CLASP2: variants seen among roughly 807,000 people sequenced by gnomAD.
The protein encoded by CLASP2 is CLIP-associating protein 2.
A neutral mutation model predicts 194.4 loss-of-function variants in CLASP2; 47 were observed. That is an observed-to-expected ratio of 0.24 (90% CI 0.19 to 0.31). CLASP2 has a LOEUF of 0.31. Among genes scored for constraint, CLASP2 ranks in the 10% least tolerant of loss-of-function variants. The pLI, the probability that CLASP2 is intolerant of heterozygous loss-of-function variation, is 1.00. For synonymous variants in CLASP2, 619 were observed against 633.5 expected (o/e 0.98, Z 0.34); for missense variants, 1,445 against 1,823.6 (o/e 0.79, Z 3.78).
At chr3:33,523,916 T>C (rs570672933) in intron 34 of CLASP2, among the ~76,000 whole-genome samples, 101 of 152,238 alleles carry the variant, frequency 6.6e-4, no homozygotes, top group Admixed American at 1.5e-3. Flanking sequence ...GGATATTAAA[T>C]GTAACCCCCA....
intron 21 of CLASP2, among the ~76,000 whole-genome samples, chr3:33,587,044 T>C (rs1303579282): frequency 6.6e-6 from 1 of 152,196 alleles, no homozygotes; most frequent in East Asian, 1.9e-4. Context: ...TCCAGATTTT[T>C]AGCATGTTCT....
intron 7 of CLASP2, among the ~76,000 whole-genome samples, chr3:33,654,715 A>C (rs1013090171): frequency 6.6e-6 from 1 of 152,148 alleles, no homozygotes; most frequent in Non-Finnish European, 1.5e-5. Flanking sequence ...TTGAAAATTC[A>C]AGGACTTCAA....
intron 12 of CLASP2, among the ~76,000 whole-genome samples, chr3:33,619,086 G>A (rs765027443): frequency 3.9e-5 from 6 of 152,204 alleles, no homozygotes; most frequent in South Asian, 4.1e-4. Context: ...AAATATTACC[G>A]TACTGAACAC....
intron 1 of CLASP2, among the ~76,000 whole-genome samples, chr3:33,697,821 A>G (rs1374064202): frequency 2.6e-5 from 4 of 152,222 alleles, no homozygotes; most frequent in Non-Finnish European, 5.9e-5. Context: ...AAACAAAGAC[A>G]TGGGACACAG....
chr3:33,577,065 A>AAC (rs1329134904), intron 23 of CLASP2: 4 of 782,238 alleles, frequency 5.1e-6, no homozygotes, highest in Non-Finnish European at 7.8e-6. Context: ...AAAAGAAAAA[A>AAC]AAAGTTTATT....
intron 28 of CLASP2, 135 bp from the exon 29 acceptor site, chr3:33,559,520 A>G (rs979086266): frequency 1.6e-6 from 1 of 629,500 alleles, no homozygotes; most frequent in African/African-American, 1.8e-5. Flanking sequence ...CATGTGGTAT[A>G]AACTACCTGG....
At chr3:33,546,812 G>A (rs1021081581) in intron 30 of CLASP2, among the ~76,000 whole-genome samples, 19 of 152,090 alleles carry the variant, frequency 1.2e-4, no homozygotes, top group Non-Finnish European at 4.4e-5. Flanking sequence ...TTAAAAATGT[G>A]CCAATAATTT....
chr3:33,666,988 C>T (rs779242195), intron 6 of CLASP2, among the ~76,000 whole-genome samples: 3 of 152,076 alleles, frequency 2.0e-5, no homozygotes, highest in African/African-American at 7.2e-5. Context: ...TTTCTATGTG[C>T]TATTGCCATC....
intron 34 of CLASP2, among the ~76,000 whole-genome samples, chr3:33,533,138 G>A (rs1391320337): frequency 2.6e-5 from 4 of 152,278 alleles, no homozygotes; most frequent in South Asian, 4.1e-4. Context: ...AATAATTAAT[G>A]CTACTGAAGC....
At chr3:33,523,774 G>A (rs971533893) in intron 34 of CLASP2, among the ~76,000 whole-genome samples, 2 of 152,076 alleles carry the variant, frequency 1.3e-5, no homozygotes, top group Non-Finnish European at 2.9e-5. Flanking sequence ...TATTTCTGGA[G>A]ACAATTGTAT....
chr3:33,499,027 C>T (rs1434461334), intron 38 of CLASP2, among the ~76,000 whole-genome samples: 1 of 152,066 alleles, frequency 6.6e-6, no homozygotes, highest in Non-Finnish European at 1.5e-5. Context: ...TATGGTCTAG[C>T]TCTGTGTTCC....
intron 26 of CLASP2, among the ~76,000 whole-genome samples, chr3:33,569,252 T>A (rs564875917): frequency 1.8e-4 from 27 of 152,324 alleles, no homozygotes; most frequent in South Asian, 1.0e-3. Flanking sequence ...TGATCTTTTT[T>A]AAAAAAGTTT....
chr3:33,595,041 C>A, intron 19 of CLASP2, 73 bp from the exon 20 acceptor site: 1 of 828,654 alleles, frequency 1.2e-6, no homozygotes, highest in Non-Finnish European at 1.8e-6. Context: ...CTCACAGTCC[C>A]CACCCAACAC....
chr3:33,686,309 G>C (rs1279706157), intron 5 of CLASP2, among the ~76,000 whole-genome samples: 2 of 152,078 alleles, frequency 1.3e-5, no homozygotes, highest in Non-Finnish European at 1.5e-5. Flanking sequence ...CCAAGCCCCA[G>C]GCCATGGACT....
chr3:33,574,776 A>C (rs2064482137), intron 24 of CLASP2, among the ~76,000 whole-genome samples: 1 of 152,124 alleles, frequency 6.6e-6, no homozygotes, highest in Non-Finnish European at 1.5e-5. Context: ...GTCATTTCCA[A>C]AGTTAAGTGT....
intron 32 of CLASP2, among the ~76,000 whole-genome samples, chr3:33,542,401 T>C (rs1288029906): frequency 2.0e-5 from 3 of 148,452 alleles, no homozygotes; most frequent in Non-Finnish European, 3.0e-5. Context: ...TCATTACATA[T>C]ATAATGAAAA....
intron 8 of CLASP2, among the ~76,000 whole-genome samples, chr3:33,638,547 C>T (rs2080656027): frequency 6.6e-6 from 1 of 152,154 alleles, no homozygotes; most frequent in South Asian, 2.1e-4. Context: ...ACCTTGTTAG[C>T]CGCCCGCCTA....
chr3:33,711,614 A>G (rs2093014104), intron 1 of CLASP2, among the ~76,000 whole-genome samples: 1 of 151,962 alleles, frequency 6.6e-6, no homozygotes, highest in South Asian at 2.1e-4. Flanking sequence ...GACAGAAAAT[A>G]GAATTAAGAA....
intron 30 of CLASP2, among the ~76,000 whole-genome samples, chr3:33,549,111 T>C (rs369412768): frequency 1.3e-5 from 2 of 152,252 alleles, no homozygotes; most frequent in South Asian, 2.1e-4. Context: ...TTCCAGTAAT[T>C]TGAATGTTTT....
Sources: gnomAD v4.1 joint callset for allele counts (sites outside exome capture counted in the v4.1 genomes callset) on GRCh38, gnomAD v4.1.1 for gene constraint, MANE v1.5 for transcripts, NCBI Gene and HGNC (gene_info 2026-07-23, HGNC 2026-07-21) for gene names.